The following CROCC variants were observed in gnomAD, a reference collection of about 807,000 sequenced individuals.
CROCC encodes rootletin.
In CROCC, 180 loss-of-function variants were observed where a neutral mutation model predicts 245.2. The observed-to-expected ratio is 0.73, with a 90% CI of 0.65 to 0.83. The LOEUF (loss-of-function observed/expected upper bound fraction) is 0.83, where lower values mean the gene tolerates loss of function less well. Among genes scored for constraint, CROCC ranks in the 40% least tolerant of loss-of-function variants. The probability of loss-of-function intolerance (pLI) is 0.00; values close to 1 mark genes in which losing one functional copy is unlikely to be tolerated. For synonymous variants in CROCC, 1,205 were observed against 1,241.6 expected, an observed-to-expected ratio of 0.97 and a Z score of 0.62; for missense variants, 2,688 against 2,779.4, an observed-to-expected ratio of 0.97 and a Z score of 0.74.
In CROCC at chr1:16,966,044, G is replaced by A. The variant is rs573793650; in HGVS notation, c.4621G>A (p.Glu1541Lys). 5.0e-6 allele frequency: 8 copies of A among 1,613,906 alleles called. No homozygotes were observed. The highest frequency in any genetic ancestry group is 2.2e-5 in the East Asian group (1 of 44,870). ...QTSALNRQLA[E>K]MEAERDSATS... is the part of the protein sequence containing the mutation. ...CAGTGCCCTGAATCGCCAGCTGGCC[G>A]AGATGGAGGCTGAGAGGGACAGCGC... is the stretch of plus-strand genomic sequence containing the variant. The change falls in exon 29 of 37, where the codon GAG becomes AAG. Residue 1541 changes from glutamate to lysine, a missense_variant. Transcript: ENST00000375541. This position sits in a 1 kb window ranked among gnomAD's most constrained non-coding sequence, Gnocchi z 4.8.
chr1:16,942,196 A>T (rs1386403112), intron 13 of CROCC, among the ~76,000 whole-genome samples: 15 of 152,332 alleles, frequency 9.8e-5, no homozygotes, highest in Admixed American at 9.8e-4. Flanking sequence ...TTTTTTGTAG[A>T]GATAGGGTTT....
chr1:16,956,186 G>A, intron 25 of CROCC, 30 bp downstream of exon 25: 1 of 1,500,054 alleles, frequency 6.7e-7, no homozygotes, highest in South Asian at 1.3e-5. Context: ...CCTTAGCCTG[G>A]GGCTTGCTGT....
At position 16,937,706 on chromosome 1, in the gene CROCC, A is replaced by G. The variant is rs140613654; in HGVS notation, c.1259A>G (p.Asn420Ser). 265 of 1,611,164 alleles carry G rather than the reference A, an allele frequency of 1.6e-4. No individual in the cohort carries two copies. In the African/African-American group the frequency reaches 3.3e-3, roughly 20 times the overall value. ...CAGAATCTGGAGAAGGATCAGGTCAACAAGGACCTCACTGAGAAGCTTGAG... is the reference window on the plus strand; with the variant it reads ...CAGAATCTGGAGAAGGATCAGGTCAGCAAGGACCTCACTGAGAAGCTTGAG... ...EKQNLEKDQVNKDLTEKLEAL... is the reference protein window; with the variant it reads ...EKQNLEKDQVSKDLTEKLEAL... The change falls in exon 10 of 37, where the codon AAC becomes AGC. Residue 420 changes from asparagine (N) to serine (S), a missense_variant. By Grantham distance (46) the Asn-to-Ser change is conservative. This residue lies in a region of CROCC where 972 missense variants were observed against 895.3 expected (regional missense o/e 1.09). Transcript: ENST00000375541.
intron 9 of CROCC, among the ~76,000 whole-genome samples, chr1:16,937,360 A>C (rs2075814496): frequency 6.6e-6 from 1 of 152,234 alleles, no homozygotes; most frequent in South Asian, 2.1e-4. Flanking sequence ...CTCAAAAAAA[A>C]AAAAACAAAA....
At chr1:16,922,948 G>T (rs537123987) in intron 2 of CROCC, 150 bp downstream of exon 2, 2 of 1,220,060 alleles carry the variant, frequency 1.6e-6, no homozygotes, top group East Asian at 2.4e-5. Flanking sequence ...TTTTACAGAT[G>T]AGGAAACAGA....
In CROCC at chr1:16,966,942, C is replaced by G. The variant is rs1171011432; in HGVS notation, c.4860+371C>G. Among the ~76,000 whole-genome samples, 1 of 152,016 alleles carries G rather than the reference C, an allele frequency of 6.6e-6. No homozygotes were observed. The highest frequency in any genetic ancestry group is 1.5e-5 in the Non-Finnish European group (1 of 68,012). ...TGGTGGTGTGGGCCTGTAGTCCCAGCTACTCGGGAGGCTGAGGTGGGAAGA... is the reference window on the plus strand; with the variant it reads ...TGGTGGTGTGGGCCTGTAGTCCCAGGTACTCGGGAGGCTGAGGTGGGAAGA... On this transcript the variant is annotated intron_variant, in intron 30 of 36. Transcript: ENST00000375541. This position sits in a 1 kb window ranked among gnomAD's most constrained non-coding sequence, Gnocchi z 4.8.
At position 16,954,864 on chromosome 1, in the gene CROCC, C is replaced by T. The variant is rs201779747; in HGVS notation, c.3452C>T (p.Ser1151Phe). The T allele has an allele frequency of 2.5e-4, 386 of 1,534,434 alleles. 2 individuals carry two copies. The highest frequency in any genetic ancestry group is 3.2e-4 in the Non-Finnish European group (368 of 1,133,988). Residue 1151 changes from serine (S) to phenylalanine (F), a missense_variant, in exon 23 of 37, where the codon TCC becomes TTC. Ser to Phe is a radical substitution (Grantham distance 155). This residue lies in a region of CROCC where 1,218 missense variants were observed against 1,286.3 expected (regional missense o/e 0.95). Transcript: ENST00000375541. The surrounding 1 kb of genome is among the most constrained non-coding windows in gnomAD (Gnocchi z 4.4). ...CGAGACCTGGGCAAGCAGCGGGACTCCTGTCTTCGCGAGGTGAGCAGCCGC... is the reference window on the plus strand; with the variant it reads ...CGAGACCTGGGCAAGCAGCGGGACTTCTGTCTTCGCGAGGTGAGCAGCCGC... Reference protein sequence around the residue: ...QARDLGKQRDSCLREAEELRT... With the variant: ...QARDLGKQRDFCLREAEELRT...
intron 14 of CROCC, among the ~76,000 whole-genome samples, chr1:16,944,731 C>T (rs2076008611): frequency 6.6e-6 from 1 of 152,216 alleles, no homozygotes; most frequent in Admixed American, 6.5e-5. Context: ...ATGTCACTTG[C>T]CCCAGGTCAC....
At chr1:16,920,511 G>A (rs1469051488), upstream of CROCC, among the ~76,000 whole-genome samples, 1 of 152,272 alleles carries the variant, frequency 6.6e-6, no homozygotes, top group African/African-American at 2.4e-5. Flanking sequence ...TCTCCTTTTA[G>A]AGATGAGAAA....
rs769308618 is a variant in CROCC at position 16,948,500 on chromosome 1, T to C, written c.2684T>C (p.Leu895Pro). The C allele has an allele frequency of 1.2e-5, 18 of 1,548,666 alleles. No individual in the cohort carries two copies. The highest frequency in any genetic ancestry group is 1.4e-5 in the Non-Finnish European group (16 of 1,148,040). Residue 895 changes from leucine to proline, a missense_variant, in exon 18 of 37, where the codon CTG (leucine) becomes CCG (proline). Coordinates refer to ENST00000375541, the MANE Select transcript of CROCC (RefSeq NM_014675.5). ...GCTGCGGAGCGTGAAGGCAGGACCC[T>C]GTCAGAGGAGGCCACACGCCTGCGG... is the stretch of plus-strand genomic sequence containing the variant. ...LVAAEREGRT[L>P]SEEATRLRLE...
Position 16,946,267 on chromosome 1 carries a change from T to G in CROCC, c.2145T>G (p.Ala715=). ...EVAEALTKAE[A]GRVELELSMT... is the part of the protein sequence containing the mutation. ...GGGGCCTGACCCTGCAGGCTGAGGC[T>G]GGCCGCGTGGAGCTCGAGCTCTCCA... The change falls in exon 16 of 37, where the codon GCT becomes GCG. Residue 715 remains alanine (A), a synonymous_variant. Transcript: ENST00000375541. 6.2e-7 allele frequency: 1 copy of G among 1,612,826 alleles called. No homozygotes were observed. Among genetic ancestry groups the G allele is most frequent in the South Asian group, 1.1e-5 (1 of 90,984 alleles).
Position 16,924,454 on chromosome 1 carries a change from T to TTAAG in CROCC, c.329_332dup (p.Tyr111Ter). Reference sequence around the variant, plus strand: ...CGTGCCGAGCGCGATGAGCTCGCCATTAAGTACAATGCGGTCAGCGAGAGG... The same window carrying TTAAG: ...CGTGCCGAGCGCGATGAGCTCGCCATTAAGTAAGTACAATGCGGTCAGCGAGAGG... On this transcript the variant is annotated frameshift_variant, in exon 3 of 37. Coordinates refer to ENST00000375541, the MANE Select transcript of CROCC (RefSeq NM_014675.5). LOFTEE classifies it high-confidence loss of function. 1 of 1,613,530 alleles carries TTAAG rather than the reference T, an allele frequency of 6.2e-7. No homozygotes were observed. Among genetic ancestry groups the TTAAG allele is most frequent in the Non-Finnish European group, 8.5e-7 (1 of 1,179,890 alleles).
rs780843591 is a variant in CROCC, at chr1:16,970,715, C to T, written c.5732C>T (p.Thr1911Met). Residue 1911 changes from threonine (T) to methionine (M), a missense_variant, in exon 35 of 37, where the codon ACG (threonine) becomes ATG (methionine). Thr to Met is a moderately conservative substitution (Grantham distance 81). Around this residue, in one of 9 missense-constraint regions of CROCC, gnomAD observed 1,218 missense variants for 1,286.3 expected, o/e 0.95. Coordinates refer to ENST00000375541, the MANE Select transcript of CROCC (RefSeq NM_014675.5). ...AAGGGCCGCCTGGACCGCACCCTCA[C>T]GGGGGCTGAGCTGGAGCTGGCAGAG... is the stretch of plus-strand genomic sequence containing the variant. ...AEKGRLDRTL[T>M]GAELELAEAQ... 9.3e-6 allele frequency: 15 copies of T among 1,605,224 alleles called. No individual in the cohort carries two copies. Among genetic ancestry groups the T allele is most frequent in the East Asian group, 4.5e-5 (2 of 44,780 alleles).
In CROCC at chr1:16,968,118, CT is replaced by C. The variant is rs2076448588; in HGVS notation, c.4861-82del. On this transcript the variant is annotated intron_variant, in intron 30 of 36. Transcript: ENST00000375541. The stretch of plus-strand genomic sequence containing the variant: ...GGTCACCCTTCGAGGCTGCTCCCCA[CT>C]TTCCCCCTAAGGGCCCCAGGGCGTG... 3.6e-6 allele frequency: 5 copies of C among 1,401,504 alleles called. No individual in the cohort carries two copies. The Admixed American group carries it at 6.0e-5, about 17-fold the overall frequency. The allele number at this position is 1,401,504 out of a possible 1,614,324, so 86.8% of individuals were successfully genotyped here. A position where few individuals can be genotyped will look rare whatever the true frequency, so the allele number is the denominator to read the frequency against.
Position 16,927,047 on chromosome 1 carries a change from C to G in CROCC, c.351+2568C>G, listed in dbSNP as rs1208029808. 2.0e-5 allele frequency among the ~76,000 whole-genome samples: 3 copies of G among 152,260 alleles called. No individual in the cohort carries two copies. In the East Asian group the frequency reaches 5.8e-4, roughly 29 times the overall value. ...AACCCCTCTGTGTCCCAGAGGCAAA[C>G]AGCACCTGCTTCACACAGATATGCA... On this transcript the variant is annotated intron_variant, in intron 3 of 36. Transcript: ENST00000375541.
intron 25 of CROCC, among the ~76,000 whole-genome samples, chr1:16,956,807 G>A (rs562668593): frequency 2.0e-5 from 3 of 151,918 alleles, no homozygotes; most frequent in Non-Finnish European, 4.4e-5. Flanking sequence ...GCTGTAGTTC[G>A]CTGACCCGTG....
intron 14 of CROCC, 110 bp from the exon 15 acceptor site, chr1:16,945,352 C>G: frequency 1.3e-6 from 2 of 1,511,576 alleles, no homozygotes. Flanking sequence ...CAGGCTGTTT[C>G]TCTCCAAACT....
chr1:16,956,910 C>T (rs1570689767), intron 25 of CROCC, among the ~76,000 whole-genome samples: 2 of 152,272 alleles, frequency 1.3e-5, no homozygotes, highest in South Asian at 4.1e-4. Context: ...GTTCAGGCTT[C>T]TCACTCTAGA....
chr1:16,916,155 G>A (rs2075301128), intron 1 of CROCC, among the ~76,000 whole-genome samples: 1 of 133,714 alleles, frequency 7.5e-6, no homozygotes. Flanking sequence ...TCCAGCTCAG[G>A]CCTGGGCAAC....
Sources: allele counts gnomAD v4.1 joint callset (sites outside exome capture counted in the v4.1 genomes callset), GRCh38; gene constraint gnomAD v4.1.1; regional missense constraint gnomAD v4.1.1; non-coding constraint Gnocchi (gnomAD v3.1); transcripts MANE v1.5; gene names NCBI Gene and HGNC (gene_info 2026-07-23, HGNC 2026-07-21).